Variants in FOXJ3 observed in about 807,000 individuals in gnomAD.
FOXJ3 encodes the protein forkhead box protein J3.
Under a neutral mutation model 76.1 loss-of-function variants are expected in FOXJ3, and 22 were observed. The ratio of observed to expected loss-of-function variants is 0.29; its 90% CI spans 0.21 to 0.41. FOXJ3 has a LOEUF of 0.41. Ranked by LOEUF, FOXJ3 falls within the 10% of genes least tolerant of loss-of-function variation. The pLI, the probability that FOXJ3 is intolerant of heterozygous loss-of-function variation, is 1.00. For missense variants in FOXJ3, 613 were observed against 762.1 expected (o/e 0.80, Z 2.30); for synonymous variants, 269 against 261.2 (o/e 1.03, Z -0.29).
chr1:42,197,278 G>A (rs1253851485), intron 7 of FOXJ3, among the ~76,000 whole-genome samples: 3 of 152,072 alleles, frequency 2.0e-5, no homozygotes, highest in African/African-American at 2.4e-5. Context: ...CAACAGGGCA[G>A]GAGAATTGCT....
intron 1 of FOXJ3, among the ~76,000 whole-genome samples, chr1:42,314,551 C>A (rs981315907): frequency 6.6e-6 from 1 of 152,118 alleles, no homozygotes; most frequent in African/African-American, 2.4e-5. Context: ...CACGCCCAGC[C>A]CTCAGTCTCT....
intron 7 of FOXJ3, among the ~76,000 whole-genome samples, chr1:42,196,973 C>T (rs1047109367): frequency 6.6e-6 from 1 of 152,092 alleles, no homozygotes; most frequent in Non-Finnish European, 1.5e-5. Flanking sequence ...TTTATAACTC[C>T]ACTTTGTCAT....
chr1:42,191,453 C>A lies in FOXJ3; in HGVS notation c.1201G>T (p.Ala401Ser), dbSNP rs780956716. The A allele has an allele frequency of 1.2e-6, 2 of 1,613,226 alleles. No homozygotes were observed. The highest frequency in any genetic ancestry group is 1.7e-6 in the Non-Finnish European group (2 of 1,179,474). The stretch of plus-strand genomic sequence containing the variant: ...TGGCTGTGTTGCTGTGGGTGTGGTG[C>A]TGGGTGTGGGGAACGCTGCGGATGC... ...PQHPQRSPHP[A>S]PHPQQHSQLQ... is the part of the protein sequence containing the mutation. Residue 401 changes from alanine to serine, a missense_variant, in exon 9 of 13, where the codon GCA becomes TCA. Around this residue, in one of 3 missense-constraint regions of FOXJ3, gnomAD observed 526 missense variants for 601.4 expected, o/e 0.87. Transcript: ENST00000361346.
intron 2 of FOXJ3, among the ~76,000 whole-genome samples, chr1:42,290,125 T>C (rs574758017): frequency 6.6e-6 from 1 of 152,224 alleles, no homozygotes; most frequent in Admixed American, 6.5e-5. Context: ...AGTTAAAGTC[T>C]ATGTTAAAAT....
At chr1:42,199,428 G>C (rs1197660238) in intron 6 of FOXJ3, among the ~76,000 whole-genome samples, 198 bp from the exon 7 acceptor site, 2 of 151,896 alleles carry the variant, frequency 1.3e-5, no homozygotes, top group Admixed American at 1.3e-4. Context: ...TCAAACTAAA[G>C]GACATGTCTT....
intron 4 of FOXJ3, among the ~76,000 whole-genome samples, chr1:42,259,493 A>T (rs904191097): frequency 6.6e-6 from 1 of 152,246 alleles, no homozygotes; most frequent in Non-Finnish European, 1.5e-5. Flanking sequence ...AACAGAGAAC[A>T]CTGTATGTCT....
At chr1:42,214,167 TAAAC>T (rs1183812180) in intron 5 of FOXJ3, among the ~76,000 whole-genome samples, 1 of 151,980 alleles carries the variant, frequency 6.6e-6, no homozygotes, top group Non-Finnish European at 1.5e-5. Flanking sequence ...AACAGTAAAT[TAAAC>T]AAACAAAAAA....
intron 4 of FOXJ3, among the ~76,000 whole-genome samples, chr1:42,249,962 T>TTTCTTTTCATTTTAGAAATTTC (rs1649885863): frequency 6.6e-6 from 1 of 152,176 alleles, no homozygotes; most frequent in African/African-American, 2.4e-5. Context: ...GAAAATGAAA[T>TTTCTTTTCATTTTAGAAATTTC]ACTATTTTAG....
intron 7 of FOXJ3, among the ~76,000 whole-genome samples, chr1:42,196,420 A>G (rs1187234857): frequency 6.6e-6 from 1 of 152,216 alleles, no homozygotes; most frequent in African/African-American, 2.4e-5. Context: ...GGCCGGGTGC[A>G]GTGGCTCAAC....
intron 1 of FOXJ3, chr1:42,315,218 G>A (rs1655036035): frequency 6.4e-6 from 1 of 156,540 alleles, no homozygotes; most frequent in Admixed American, 6.5e-5. Context: ...ACTGCTAGGA[G>A]GTTTCTTTTT....
chr1:42,246,980 T>C (rs1273763837), intron 4 of FOXJ3, among the ~76,000 whole-genome samples: 1 of 152,076 alleles, frequency 6.6e-6, no homozygotes, highest in Non-Finnish European at 1.5e-5. Flanking sequence ...AAAGTTAATC[T>C]CATGGAGGTA....
chr1:42,231,364 C>T (rs1388376079), intron 4 of FOXJ3, among the ~76,000 whole-genome samples: 2 of 151,942 alleles, frequency 1.3e-5, no homozygotes, highest in African/African-American at 4.8e-5. Flanking sequence ...ACGAGGGATA[C>T]TCTGACACAT....
intron 4 of FOXJ3, among the ~76,000 whole-genome samples, chr1:42,237,807 G>C (rs2124508287): frequency 1.3e-5 from 2 of 151,910 alleles, no homozygotes; most frequent in Middle Eastern, 6.8e-3. Flanking sequence ...CTGTATAAGT[G>C]TGTGATAAGG....
rs370406718 is a variant in FOXJ3 at position 42,310,343 on chromosome 1, A to G, written c.44+707T>C. On this transcript the variant is annotated intron_variant, in intron 2 of 12. Transcript: ENST00000361346. Reference sequence around the variant, plus strand: ...GTATTTTTAGTAGAGATGGGGTTTCACCATGTTGGCCAGAATGGTCTCAAT... The same window carrying G: ...GTATTTTTAGTAGAGATGGGGTTTCGCCATGTTGGCCAGAATGGTCTCAAT... 8.6e-5 allele frequency among the ~76,000 whole-genome samples: 13 copies of G among 151,798 alleles called. 1 individual carries two copies. In the East Asian group the frequency reaches 1.4e-3, roughly 16 times the overall value.
At chr1:42,315,064 C>CT (rs1399992350) in intron 1 of FOXJ3, among the ~76,000 whole-genome samples, 1 of 152,210 alleles carries the variant, frequency 6.6e-6, no homozygotes, top group Non-Finnish European at 1.5e-5. Flanking sequence ...AAGCCTCATG[C>CT]TAAGTGAAAA....
In FOXJ3 at chr1:42,296,914, T is replaced by C. The variant is rs571475940; in HGVS notation, c.44+14136A>G. ...GAATAGTATGGTCATTTTTGTGATA[T>C]TGATTCTTCCAATCCAACAGCACAA... On this transcript the variant is annotated intron_variant, in intron 2 of 12. Transcript: ENST00000361346. Among the ~76,000 whole-genome samples the C allele has an allele frequency of 1.2e-4, 19 of 152,344 alleles. No individual in the cohort carries two copies. In the South Asian group the frequency reaches 2.3e-3, roughly 18 times the overall value.
chr1:42,295,519 CT>C (rs34641810), intron 2 of FOXJ3, among the ~76,000 whole-genome samples: 6,104 of 79,334 alleles, frequency 0.077, 51 homozygotes, highest in Admixed American at 0.14. Context: ...CTACAAGTGT[CT>C]TTTTTTTTTT....
chr1:42,320,218 A>AG (rs532951369), intron 1 of FOXJ3, among the ~76,000 whole-genome samples: 5 of 151,802 alleles, frequency 3.3e-5, no homozygotes, highest in East Asian at 1.9e-4. Context: ...AGCGTGGGGG[A>AG]GGGGGGGCTT....
At chr1:42,268,604 G>A (rs921319758) in intron 3 of FOXJ3, among the ~76,000 whole-genome samples, 9 of 152,040 alleles carry the variant, frequency 5.9e-5, no homozygotes, top group African/African-American at 1.2e-4. Flanking sequence ...AATTTATTAC[G>A]GAGTTTGGAA....
Sources: allele counts gnomAD v4.1 joint callset (sites outside exome capture counted in the v4.1 genomes callset), GRCh38; gene constraint gnomAD v4.1.1; regional missense constraint gnomAD v4.1.1; transcripts MANE v1.5; gene names NCBI Gene and HGNC (gene_info 2026-07-23, HGNC 2026-07-21).